DOCK2: variants seen among roughly 807,000 people sequenced by gnomAD.
DOCK2 encodes dedicator of cytokinesis 2.
In DOCK2, 87 loss-of-function variants were observed where a neutral mutation model predicts 248.9. The observed-to-expected ratio is 0.35, with a 90% confidence interval of 0.29 to 0.42. The LOEUF is 0.42. Ranked by LOEUF, DOCK2 falls within the 10% of genes least tolerant of loss-of-function variation. The pLI is 1.00. For synonymous variants in DOCK2, 805 were observed against 821.6 expected (o/e 0.98, Z 0.35); for missense variants, 1,747 against 2,300.2 (o/e 0.76, Z 4.92).
intron 26 of DOCK2, among the ~76,000 whole-genome samples, chr5:169,835,939 A>G (rs931121951): frequency 1.9e-4 from 29 of 152,172 alleles, no homozygotes; most frequent in African/African-American, 6.0e-4. Flanking sequence ...TATTTTTAGT[A>G]GAGATGGGAT....
Position 170,069,202 on chromosome 5 carries a change from G to A in DOCK2, c.4710G>A (p.Lys1570=). ...PEDQDKLTHL[K]DLIAWQIPFL... is the part of the protein sequence containing the mutation. ...ACCAGGACAAGCTGACCCACCTCAA[G>A]GACCTGATTGCATGGCAGGTGAGGC... The change falls in exon 46 of 52, where the codon AAG becomes AAA. Residue 1570 remains lysine (K), a synonymous_variant. Transcript: ENST00000520908. 6.2e-7 allele frequency: 1 copy of A among 1,613,970 alleles called. No individual in the cohort carries two copies. Among genetic ancestry groups the A allele is most frequent in the Non-Finnish European group, 8.5e-7 (1 of 1,179,912 alleles).
chr5:169,689,069 C>T (rs1760146283), intron 8 of DOCK2, among the ~76,000 whole-genome samples, 183 bp from the exon 9 acceptor site: 1 of 151,930 alleles, frequency 6.6e-6, no homozygotes, highest in Admixed American at 6.6e-5. Flanking sequence ...TCTTGCCTGT[C>T]TAATGTCTGT....
intron 46 of DOCK2, among the ~76,000 whole-genome samples, chr5:170,071,821 A>G (rs767645458): frequency 6.6e-6 from 1 of 152,202 alleles, no homozygotes; most frequent in African/African-American, 2.4e-5. Flanking sequence ...TATAGTTTAG[A>G]TTTGCTTAAT....
intron 25 of DOCK2, among the ~76,000 whole-genome samples, chr5:169,762,590 C>T (rs1453456456): frequency 1.3e-5 from 2 of 152,166 alleles, no homozygotes; most frequent in African/African-American, 4.8e-5. Flanking sequence ...GCTCTGCATG[C>T]CTAGATTTTC....
intron 26 of DOCK2, among the ~76,000 whole-genome samples, chr5:169,830,502 A>T (rs1361597810): frequency 6.6e-6 from 1 of 152,132 alleles, no homozygotes; most frequent in Non-Finnish European, 1.5e-5. Context: ...GCACCTCATA[A>T]ATTTTTCCTG....
At chr5:170,068,390 T>C (rs1757568638) in intron 45 of DOCK2, among the ~76,000 whole-genome samples, 1 of 152,214 alleles carries the variant, frequency 6.6e-6, no homozygotes, top group African/African-American at 2.4e-5. Flanking sequence ...GAAGGAAAAA[T>C]GAACTCCTCA....
intron 25 of DOCK2, among the ~76,000 whole-genome samples, chr5:169,801,812 CT>C (rs11298132): frequency 0.68 from 96,161 of 142,336 alleles, 34,133 homozygotes; most frequent in East Asian, 0.92. Context: ...ATTGGTTTTG[CT>C]TTTTTTTTTT....
At chr5:169,785,057 GA>G (rs1765913329) in intron 25 of DOCK2, among the ~76,000 whole-genome samples, 1 of 152,072 alleles carries the variant, frequency 6.6e-6, no homozygotes, top group East Asian at 1.9e-4. Flanking sequence ...GGAGCAGTCA[GA>G]AAAACAATCA....
At chr5:169,777,216 C>T (rs1314178246) in intron 25 of DOCK2, among the ~76,000 whole-genome samples, 1 of 152,220 alleles carries the variant, frequency 6.6e-6, no homozygotes, top group Non-Finnish European at 1.5e-5. Context: ...GTGATAGACT[C>T]AGCATGGAGC....
At chr5:169,675,280 T>G (rs1759268675) in intron 6 of DOCK2, among the ~76,000 whole-genome samples, 1 of 152,194 alleles carries the variant, frequency 6.6e-6, no homozygotes, top group African/African-American at 2.4e-5. Context: ...ACTCTGCTAC[T>G]TGGATAGCAT....
intron 30 of DOCK2, among the ~76,000 whole-genome samples, chr5:169,999,795 C>T (rs551140068): frequency 1.2e-4 from 18 of 152,286 alleles, no homozygotes; most frequent in Middle Eastern, 3.4e-3. Context: ...ATTAATTATG[C>T]ATTTAATATC....
chr5:170,079,162 A>G lies in DOCK2; in HGVS notation c.5166+16A>G, dbSNP rs576568751. On this transcript the variant is annotated intron_variant, in intron 49 of 51. Transcript: ENST00000520908. ...CCTGAAGCGGGTGAGTGGCTGAGGC[A>G]GATTGCCTCTCCAGCGCTGTTAGCA... is the stretch of plus-strand genomic sequence containing the variant. 2 of 1,611,528 alleles carry G rather than the reference A, an allele frequency of 1.2e-6. No individual in the cohort carries two copies. The highest frequency in any genetic ancestry group is 1.7e-6 in the Non-Finnish European group (2 of 1,179,254).
At chr5:169,935,198 A>G (rs1206358611) in intron 27 of DOCK2, among the ~76,000 whole-genome samples, 1 of 152,174 alleles carries the variant, frequency 6.6e-6, no homozygotes, top group Admixed American at 6.5e-5. Flanking sequence ...GCAGAGCAGC[A>G]TGCCATTGCC....
chr5:169,831,750 T>G (rs1400343386), intron 26 of DOCK2, among the ~76,000 whole-genome samples: 1 of 152,208 alleles, frequency 6.6e-6, no homozygotes, highest in East Asian at 1.9e-4. Flanking sequence ...AGATATTAGC[T>G]CTCAGTGTTG....
intron 29 of DOCK2, among the ~76,000 whole-genome samples, chr5:169,993,551 G>GTGTGTGTGTA (rs1778262143): frequency 6.7e-6 from 1 of 149,974 alleles, no homozygotes; most frequent in African/African-American, 2.5e-5. Context: ...ACATCCATTT[G>GTGTGTGTGTA]TGTGTGTGTG....
intron 7 of DOCK2, 80 bp from the exon 8 acceptor site, chr5:169,684,116 C>A: frequency 6.4e-7 from 1 of 1,555,680 alleles, no homozygotes; most frequent in South Asian, 1.2e-5. Context: ...AACCCAATAT[C>A]CTTGACTATC....
At chr5:169,696,823 GTTT>G (rs557131206) in intron 10 of DOCK2, among the ~76,000 whole-genome samples, 2 of 137,198 alleles carry the variant, frequency 1.5e-5, no homozygotes. Flanking sequence ...TGAGCTCACT[GTTT>G]TTTTTTTTTT....
At chr5:169,860,950 T>C (rs937205413) in intron 27 of DOCK2, among the ~76,000 whole-genome samples, 4 of 152,238 alleles carry the variant, frequency 2.6e-5, no homozygotes, top group African/African-American at 4.8e-5. Flanking sequence ...ACATTGGCGA[T>C]ATAAATTTGC....
chr5:170,015,562 G>GTTTT (rs574927254), intron 32 of DOCK2, among the ~76,000 whole-genome samples: 1,645 of 120,620 alleles, frequency 0.014, 31 homozygotes, highest in African/African-American at 0.054. Flanking sequence ...CTGATTTTAG[G>GTTTT]TTTTTTTTGT....
Sources: allele counts gnomAD v4.1 joint callset (sites outside exome capture counted in the v4.1 genomes callset), GRCh38; gene constraint gnomAD v4.1.1; transcripts MANE v1.5; gene names NCBI Gene and HGNC (gene_info 2026-07-23, HGNC 2026-07-21).